Variants in BRINP2 observed in about 807,000 individuals in gnomAD.
The protein encoded by BRINP2 is BMP/retinoic acid inducible neural specific 2, also known as BMP/retinoic acid-inducible neural-specific protein 2.
BRINP2 carries 21 observed loss-of-function variants against 69.2 expected under a neutral mutation model. The observed-to-expected ratio is 0.30, with a 90% CI of 0.22 to 0.44. The LOEUF (loss-of-function observed/expected upper bound fraction) is 0.44. BRINP2 is among the 20% of genes least tolerant of loss of function. BRINP2 has a pLI of 1.00. For missense variants in BRINP2, 877 were observed against 986.0 expected, an observed-to-expected ratio of 0.89 and a Z score of 1.48; for synonymous variants, 380 against 394.1, an observed-to-expected ratio of 0.96 and a Z score of 0.42.
At chr1:177,191,942 A>G (rs1383554901) in intron 1 of BRINP2, among the ~76,000 whole-genome samples, 1 of 152,166 alleles carries the variant, frequency 6.6e-6, no homozygotes, top group East Asian at 1.9e-4. Flanking sequence ...TAAAACATGT[A>G]TTTCTTCTTG....
At chr1:177,197,579 A>G (rs1648783773) in intron 1 of BRINP2, among the ~76,000 whole-genome samples, 1 of 152,216 alleles carries the variant, frequency 6.6e-6, no homozygotes, top group South Asian at 2.1e-4. Flanking sequence ...CTTTGCCAGG[A>G]AACAAACTGT....
chr1:177,244,271 A>C (rs1205739972), intron 2 of BRINP2, among the ~76,000 whole-genome samples: 1 of 152,236 alleles, frequency 6.6e-6, no homozygotes, highest in Non-Finnish European at 1.5e-5. Flanking sequence ...ATTCAAGTAC[A>C]TTAATAAAGA....
At chr1:177,227,563 T>C (rs1443091275) in intron 1 of BRINP2, among the ~76,000 whole-genome samples, 1 of 152,150 alleles carries the variant, frequency 6.6e-6, no homozygotes, top group Non-Finnish European at 1.5e-5. Flanking sequence ...TAAAAATGCC[T>C]ACACCCTCTA....
At chr1:177,278,916 G>T (rs1651601574) in intron 7 of BRINP2, 131 bp downstream of exon 7, 1 of 821,240 alleles carries the variant, frequency 1.2e-6, no homozygotes, top group Non-Finnish European at 1.9e-6. Flanking sequence ...CAGTTATCTT[G>T]ACCTACTCAT....
chr1:177,198,848 TAGG>T (rs909988076), intron 1 of BRINP2, among the ~76,000 whole-genome samples: 1 of 152,138 alleles, frequency 6.6e-6, no homozygotes, highest in Non-Finnish European at 1.5e-5. Context: ...ATTTGGCAAT[TAGG>T]AGGTTTCTGA....
In BRINP2 at chr1:177,281,732, A is replaced by C; in HGVS notation, c.*204A>C. The C allele has an allele frequency of 1.8e-6, 1 of 542,292 alleles. No individual in the cohort carries two copies. The highest frequency in any genetic ancestry group is 3.1e-6 in the Non-Finnish European group (1 of 319,056). The allele number at this position is 542,292 out of a possible 1,614,324, so 33.6% of individuals were successfully genotyped here. ...TGCGCGCACGCATACACACACACAC[A>C]CACACACTGGCACAGGGAGGCTACA... On this transcript the variant is annotated 3_prime_UTR_variant, in exon 8 of 8. Coordinates refer to ENST00000361539, the MANE Select transcript of BRINP2 (RefSeq NM_021165.4).
chr1:177,181,056 C>T (rs1239008200), intron 1 of BRINP2, among the ~76,000 whole-genome samples: 1 of 151,872 alleles, frequency 6.6e-6, no homozygotes, highest in East Asian at 1.9e-4. Context: ...GAAGTAGATA[C>T]TATTATTCTC....
At chr1:177,230,993 T>C (rs978050862) in intron 2 of BRINP2, among the ~76,000 whole-genome samples, 17 of 152,146 alleles carry the variant, frequency 1.1e-4, no homozygotes, top group African/African-American at 4.1e-4. Context: ...TAAAATTAGT[T>C]TTTCATGCAA....
intron 4 of BRINP2, among the ~76,000 whole-genome samples, chr1:177,260,453 G>C (rs1045038273): frequency 3.9e-5 from 6 of 152,182 alleles, no homozygotes; most frequent in African/African-American, 1.2e-4. Flanking sequence ...GGGATTCAGA[G>C]GATTGACTCC....
chr1:177,255,809 AGAG>A lies in BRINP2; in HGVS notation c.270-106_270-104del, dbSNP rs1348704299. ...CCTCCAGCTGAGGGGATGTGGGCTG[AGAG>A]GAGATGAGTGGCTGCAAGTGGAGGA... On this transcript the variant is annotated intron_variant, in intron 2 of 7. Transcript: ENST00000361539. 8 of 1,127,982 alleles carry A rather than the reference AGAG, an allele frequency of 7.1e-6. No individual in the cohort carries two copies. In the African/African-American group the frequency reaches 1.2e-4, roughly 17 times the overall value. The allele number at this position is 1,127,982 out of a possible 1,614,324, so 69.9% of individuals were successfully genotyped here.
intron 1 of BRINP2, among the ~76,000 whole-genome samples, chr1:177,177,132 T>G (rs542339428): frequency 6.6e-6 from 1 of 152,210 alleles, no homozygotes; most frequent in South Asian, 2.1e-4. Context: ...TGTGAAATAA[T>G]TAGCTGGGCG....
chr1:177,269,660 C>A (rs1002265005), intron 4 of BRINP2, among the ~76,000 whole-genome samples: 2 of 152,190 alleles, frequency 1.3e-5, no homozygotes, highest in African/African-American at 4.8e-5. Flanking sequence ...TGATTGCTCA[C>A]AATTAGAAGC....
chr1:177,176,268 G>C (rs1236099733), intron 1 of BRINP2, among the ~76,000 whole-genome samples: 1 of 152,156 alleles, frequency 6.6e-6, no homozygotes, highest in Non-Finnish European at 1.5e-5. Context: ...TTGGCATCAT[G>C]TGGGTCTTGA....
intron 1 of BRINP2, among the ~76,000 whole-genome samples, chr1:177,221,825 G>A (rs947986182): frequency 1.3e-5 from 2 of 152,210 alleles, no homozygotes; most frequent in African/African-American, 2.4e-5. Flanking sequence ...GGAAGCCAAA[G>A]CAACCGCATA....
chr1:177,178,603 C>G (rs1028175079), intron 1 of BRINP2, among the ~76,000 whole-genome samples: 5 of 152,142 alleles, frequency 3.3e-5, no homozygotes, highest in Non-Finnish European at 2.9e-5. Flanking sequence ...TTGCCTCCCC[C>G]TCTAGACTCC....
chr1:177,187,119 C>A (rs1648449790), intron 1 of BRINP2, among the ~76,000 whole-genome samples: 1 of 152,172 alleles, frequency 6.6e-6, no homozygotes, highest in South Asian at 2.1e-4. Context: ...AGAACCATTT[C>A]AAAACCTATC....
rs1338603963 is a variant in BRINP2 at position 177,280,525 on chromosome 1, C to T, written c.1349C>T (p.Ser450Phe). 1 of 1,614,112 alleles carries T rather than the reference C, an allele frequency of 6.2e-7. No homozygotes were observed. The highest frequency in any genetic ancestry group is 1.3e-5 in the African/African-American group (1 of 74,936). The change falls in exon 8 of 8, where the codon TCT becomes TTT. Residue 450 changes from serine (S) to phenylalanine (F), a missense_variant. Transcript: ENST00000361539. ...AGCTGCACCTGCCCCTATGACCAAT[C>T]TTCCTGCCAGGGCCCCATCCCATGT... ...SHSCTCPYDQSSCQGPIPCAL... is the reference protein window; with the variant it reads ...SHSCTCPYDQFSCQGPIPCAL...
chr1:177,236,521 T>C (rs1171237385), intron 2 of BRINP2, among the ~76,000 whole-genome samples: 1 of 152,236 alleles, frequency 6.6e-6, no homozygotes, highest in Non-Finnish European at 1.5e-5. Flanking sequence ...AGCTTGGTGC[T>C]TATTATTGCA....
At chr1:177,272,579 G>A (rs1419566275) in intron 4 of BRINP2, among the ~76,000 whole-genome samples, 1 of 152,244 alleles carries the variant, frequency 6.6e-6, no homozygotes, top group African/African-American at 2.4e-5. Context: ...TGTGCCTGCT[G>A]CAAAGCAGGG....
Sources: allele counts gnomAD v4.1 joint callset (sites outside exome capture counted in the v4.1 genomes callset), GRCh38; gene constraint gnomAD v4.1.1; transcripts MANE v1.5; gene names NCBI Gene and HGNC (gene_info 2026-07-23, HGNC 2026-07-21).